OXR1: variants seen among roughly 807,000 people sequenced by gnomAD.
The protein encoded by OXR1 is oxidation resistance 1.
Under a neutral mutation model 104.6 loss-of-function variants are expected in OXR1, and 41 were observed. The ratio of observed to expected loss-of-function variants is 0.39; its 90% CI spans 0.31 to 0.51. The LOEUF (loss-of-function observed/expected upper bound fraction) is 0.51, where lower values mean the gene tolerates loss of function less well. Ranked by LOEUF, OXR1 falls within the 20% of genes least tolerant of loss-of-function variation. OXR1 has a pLI of 0.77. For synonymous variants in OXR1, 348 were observed against 348.4 expected (o/e 1.00, Z 0.01); for missense variants, 955 against 1,031.9 (o/e 0.93, Z 1.02).
intron 3 of OXR1, among the ~76,000 whole-genome samples, chr8:106,643,897 G>T (rs1394328783): frequency 6.6e-6 from 1 of 152,144 alleles, no homozygotes; most frequent in Non-Finnish European, 1.5e-5. Context: ...TATGTTAAGG[G>T]CATTGTGTGA....
intron 2 of OXR1, among the ~76,000 whole-genome samples, chr8:106,432,584 A>C (rs1377068955): frequency 2.0e-5 from 3 of 152,008 alleles, no homozygotes; most frequent in African/African-American, 7.2e-5. Context: ...TCACCTCCCA[A>C]TGAGGATGGG....
At chr8:106,275,547 A>G (rs1812003494) in intron 1 of OXR1, among the ~76,000 whole-genome samples, 1 of 152,234 alleles carries the variant, frequency 6.6e-6, no homozygotes, top group Non-Finnish European at 1.5e-5. Flanking sequence ...AGACTACAGA[A>G]CTGAGCATTT....
At chr8:106,416,023 T>G (rs1304935305) in intron 2 of OXR1, among the ~76,000 whole-genome samples, 1 of 152,118 alleles carries the variant, frequency 6.6e-6, no homozygotes, top group Non-Finnish European at 1.5e-5. Context: ...AGAGTCCCTC[T>G]CTTAGAAAGC....
At chr8:106,505,041 T>G (rs1228116787) in intron 2 of OXR1, among the ~76,000 whole-genome samples, 1 of 152,208 alleles carries the variant, frequency 6.6e-6, no homozygotes, top group Non-Finnish European at 1.5e-5. Context: ...TTTCTTAAAC[T>G]GTGTATTCAG....
At chr8:106,304,198 C>T (rs772896601) in intron 1 of OXR1, among the ~76,000 whole-genome samples, 1 of 152,076 alleles carries the variant, frequency 6.6e-6, no homozygotes. Flanking sequence ...ACCTCAAATT[C>T]CTAAATATTT....
intron 1 of OXR1, among the ~76,000 whole-genome samples, chr8:106,328,119 G>A (rs1814551969): frequency 6.6e-6 from 1 of 152,154 alleles, no homozygotes; most frequent in South Asian, 2.1e-4. Flanking sequence ...GCACCACATG[G>A]CAGCAAATTG....
At chr8:106,308,938 G>GCTCT (rs1813578447) in intron 1 of OXR1, among the ~76,000 whole-genome samples, 2 of 151,952 alleles carry the variant, frequency 1.3e-5, no homozygotes, top group Admixed American at 6.6e-5. Flanking sequence ...TCAATGAAAA[G>GCTCT]CTCTGGTACT....
chr8:106,696,782 C>G (rs1830077660), intron 7 of OXR1, among the ~76,000 whole-genome samples: 1 of 152,100 alleles, frequency 6.6e-6, no homozygotes, highest in South Asian at 2.1e-4. Context: ...TCATCTTCCT[C>G]AAGCCCCAGA....
chr8:106,309,559 A>T (rs1443166288), intron 1 of OXR1, among the ~76,000 whole-genome samples: 3 of 152,044 alleles, frequency 2.0e-5, no homozygotes, highest in Admixed American at 1.3e-4. Flanking sequence ...CTATTAATAT[A>T]AAAATTAGTT....
chr8:106,682,692 G>C (rs1828296823), intron 4 of OXR1: 1 of 154,316 alleles, frequency 6.5e-6, no homozygotes, highest in Admixed American at 6.5e-5. Flanking sequence ...CTACACATAT[G>C]ATCATGGAAA....
chr8:106,474,522 C>T (rs138320834), intron 2 of OXR1, among the ~76,000 whole-genome samples: 2 of 151,476 alleles, frequency 1.3e-5, no homozygotes, highest in African/African-American at 4.8e-5. Flanking sequence ...ATAGTTTGTA[C>T]TTTGTAAAAA....
chr8:106,718,868 T>G (rs1232943541), intron 11 of OXR1, among the ~76,000 whole-genome samples: 1 of 150,012 alleles, frequency 6.7e-6, no homozygotes, highest in Non-Finnish European at 1.5e-5. Flanking sequence ...TATGCCTGAA[T>G]TAATTGCGTC....
At chr8:106,367,395 ATGAGCTT>A (rs1050754233) in intron 2 of OXR1, among the ~76,000 whole-genome samples, 8 of 152,248 alleles carry the variant, frequency 5.3e-5, no homozygotes, top group African/African-American at 1.9e-4. Flanking sequence ...GTTCATTGAT[ATGAGCTT>A]TGAGAATAAT....
chr8:106,388,561 T>A (rs1348285615), intron 2 of OXR1, among the ~76,000 whole-genome samples: 1 of 152,152 alleles, frequency 6.6e-6, no homozygotes, highest in African/African-American at 2.4e-5. Flanking sequence ...TAGCTGGGAT[T>A]ACAGGTGCCC....
At chr8:106,369,980 A>C (rs559328285) in intron 2 of OXR1, among the ~76,000 whole-genome samples, 5 of 152,206 alleles carry the variant, frequency 3.3e-5, no homozygotes, top group Non-Finnish European at 7.3e-5. Context: ...TCTCTAAATT[A>C]CTTCGGGCTG....
intron 2 of OXR1, among the ~76,000 whole-genome samples, chr8:106,424,790 T>C (rs1198418248): frequency 3.9e-5 from 6 of 152,088 alleles, no homozygotes; most frequent in Non-Finnish European, 1.5e-5. Context: ...CTATAATTTA[T>C]TTTTTTAATT....
intron 2 of OXR1, among the ~76,000 whole-genome samples, chr8:106,452,902 T>TTTTTTTTTTTTTTTTTTTTTG (rs1820400605): frequency 6.6e-6 from 1 of 151,782 alleles, no homozygotes; most frequent in Non-Finnish European, 1.5e-5. Flanking sequence ...TATCTTTTAA[T>TTTTTTTTTTTTTTTTTTTTTG]AGATGTAAGG....
At chr8:106,285,627 A>G (rs969377527) in intron 1 of OXR1, among the ~76,000 whole-genome samples, 1 of 151,810 alleles carries the variant, frequency 6.6e-6, no homozygotes, top group Non-Finnish European at 1.5e-5. Context: ...TTCACCAGGT[A>G]CTTATTATCT....
chr8:106,603,007 G>T (rs543143053), intron 3 of OXR1, among the ~76,000 whole-genome samples: 1 of 152,146 alleles, frequency 6.6e-6, no homozygotes, highest in African/African-American at 2.4e-5. Flanking sequence ...AAAGCTAGTT[G>T]ACCCCATTTT....
Sources: gnomAD v4.1 joint callset for allele counts (sites outside exome capture counted in the v4.1 genomes callset) on GRCh38, gnomAD v4.1.1 for gene constraint, MANE v1.5 for transcripts, NCBI Gene and HGNC (gene_info 2026-07-23, HGNC 2026-07-21) for gene names.